The following ZZEF1 variants were observed in gnomAD, a reference collection of about 807,000 sequenced individuals.
The protein encoded by ZZEF1 is zinc finger ZZ-type and EF-hand domain containing 1.
Under a neutral mutation model 342.8 loss-of-function variants are expected in ZZEF1, and 157 were observed. The observed-to-expected ratio is 0.46, with a 90% confidence interval of 0.40 to 0.52. The LOEUF (loss-of-function observed/expected upper bound fraction) is 0.52, where lower values mean the gene tolerates loss of function less well. Ranked by LOEUF, ZZEF1 falls within the 20% of genes least tolerant of loss-of-function variation. The probability of loss-of-function intolerance (pLI) is 0.00; values close to 1 mark genes in which losing one functional copy is unlikely to be tolerated. For missense variants in ZZEF1, 3,480 were observed against 3,725.6 expected (o/e 0.93, Z 1.72); for synonymous variants, 1,505 against 1,429.1 (o/e 1.05, Z -1.20).
Position 4,114,355 on chromosome 17 carries a change from A to G in ZZEF1, c.810T>C (p.Asn270=), listed in dbSNP as rs1205718345. The part of the protein sequence containing the change: ...SNSADIDKMT[N]GETSSYWQSD... The stretch of plus-strand genomic sequence containing the variant: ...ACTGCCAGTAGGATGAGGTTTCTCC[A>G]TTTGTCATCTTGTCAATGTCTGCCG... Residue 270 remains asparagine, a synonymous_variant, in exon 4 of 55, where the codon AAT becomes AAC. Transcript: ENST00000381638. 1.9e-6 allele frequency: 3 copies of G among 1,611,982 alleles called. No individual in the cohort carries two copies. The highest frequency in any genetic ancestry group is 2.2e-5 in the East Asian group (1 of 44,736).
chr17:4,121,523 G>A (rs535690177), intron 2 of ZZEF1, among the ~76,000 whole-genome samples: 10 of 152,236 alleles, frequency 6.6e-5, no homozygotes, highest in African/African-American at 2.2e-4. Context: ...CTACTCGGGA[G>A]GCTGAGGCAC....
intron 6 of ZZEF1, among the ~76,000 whole-genome samples, 164 bp from the exon 7 acceptor site, chr17:4,105,973 G>A (rs773735285): frequency 3.3e-5 from 5 of 151,792 alleles, no homozygotes; most frequent in African/African-American, 4.8e-5. Flanking sequence ...TTTTTGAGAC[G>A]GAGTCTCGCT....
Position 4,008,939 on chromosome 17 carries a change from G to T in ZZEF1, c.8749C>A (p.Gln2917Lys). The change falls in exon 54 of 55, where the codon CAG becomes AAG. Residue 2917 changes from glutamine (Q) to lysine (K), a missense_variant. This residue lies in a region of ZZEF1 where 1,269 missense variants were observed against 1,342.4 expected (regional missense o/e 0.95). Transcript: ENST00000381638. The surrounding 1 kb of genome is among the most constrained non-coding windows in gnomAD (Gnocchi z 4.2). ...GTGGTTAGGGCCAGCAGGTAATCCT[G>T]CAGCACGCCAAGCTCCTGCAGAGAG... ...ENRAQELGVL[Q>K]DYLLALTTDD... The T allele has an allele frequency of 6.5e-7, 1 of 1,542,196 alleles. No homozygotes were observed. The highest frequency in any genetic ancestry group is 1.2e-5 in the South Asian group (1 of 84,094).
chr17:4,047,598 A>G (rs374910702), intron 37 of ZZEF1, among the ~76,000 whole-genome samples: 8 of 151,762 alleles, frequency 5.3e-5, no homozygotes, highest in African/African-American at 1.9e-4. Context: ...AGCCAAGATC[A>G]TACCACTGCA....
intron 25 of ZZEF1, among the ~76,000 whole-genome samples, chr17:4,071,659 G>GT (rs1443086276): frequency 6.6e-6 from 1 of 152,194 alleles, no homozygotes; most frequent in Non-Finnish European, 1.5e-5. Flanking sequence ...GGGGAGACAG[G>GT]TGAGGACAGG....
intron 42 of ZZEF1, 108 bp downstream of exon 42, chr17:4,032,018 A>G: frequency 8.1e-7 from 1 of 1,233,024 alleles, no homozygotes; most frequent in Non-Finnish European, 1.1e-6. Context: ...TTGTTCTTTA[A>G]AAAAATCACA....
intron 19 of ZZEF1, 106 bp downstream of exon 19, chr17:4,077,777 G>A: frequency 8.3e-7 from 1 of 1,199,164 alleles, no homozygotes; most frequent in Non-Finnish European, 1.2e-6. Flanking sequence ...GAATCGTAAT[G>A]AAGAAAGCCA....
Position 4,016,233 on chromosome 17 carries a change from G to C in ZZEF1, c.8145+90C>G. On this transcript the variant is annotated intron_variant, in intron 49 of 54. Coordinates refer to ENST00000381638, the MANE Select transcript of ZZEF1 (RefSeq NM_015113.4). The surrounding 1 kb of genome is among the most constrained non-coding windows in gnomAD (Gnocchi z 4.4). ...TGTCCAGCGGGAGAGAGCCACAGAGGGGCTGAGCATGGAGGGGCTGAGCAC... is the reference window on the plus strand; with the variant it reads ...TGTCCAGCGGGAGAGAGCCACAGAGCGGCTGAGCATGGAGGGGCTGAGCAC... 6.8e-7 allele frequency: 1 copy of C among 1,469,082 alleles called. No homozygotes were observed. Among genetic ancestry groups the C allele is most frequent in the Non-Finnish European group, 9.2e-7 (1 of 1,091,868 alleles). 91.0% of individuals were successfully genotyped at this position (1,469,082 alleles called of 1,614,324 possible).
In ZZEF1 at chr17:4,088,736, C is replaced by A. The variant is rs780774389; in HGVS notation, c.2183G>T (p.Cys728Phe). The A allele has an allele frequency of 4.3e-6, 7 of 1,614,122 alleles. No homozygotes were observed. The East Asian group carries it at 8.9e-5, about 21-fold the overall frequency. The change falls in exon 13 of 55, where the codon TGT (cysteine) becomes TTT (phenylalanine). Residue 728 changes from cysteine (C) to phenylalanine (F), a missense_variant. By Grantham distance (205) the Cys-to-Phe change is radical (BLOSUM62 -2). Around this residue, in one of 5 missense-constraint regions of ZZEF1, gnomAD observed 1,528 missense variants for 1,624.1 expected, o/e 0.94. Transcript: ENST00000381638. Reference sequence around the variant, plus strand: ...GGTCCTGAGGAGCAACGTGGCCCCACAGACACTCTCCTCTGTGTCCTTTCT... The same window carrying A: ...GGTCCTGAGGAGCAACGTGGCCCCAAAGACACTCTCCTCTGTGTCCTTTCT... ...HCRKDTEESV[C>F]GATLLLRTLQ...
At position 4,017,590 on chromosome 17, in the gene ZZEF1, C is replaced by T. The variant is rs2676278; in HGVS notation, c.7782G>A (p.Glu2594=). The T allele has an allele frequency of 0.014, 23,082 of 1,614,184 alleles. 2,822 individuals are homozygous for T. In the African/African-American group the frequency reaches 0.27, roughly 19 times the overall value. The change falls in exon 48 of 55, where the codon GAG becomes GAA. Residue 2594 remains glutamate (E), a synonymous_variant. Transcript: ENST00000381638. The surrounding 1 kb of genome is among the most constrained non-coding windows in gnomAD (Gnocchi z 5.1). ...RSKSAALLHK[E]LNCKSKRAVR... ...CAGCCCTCTTACTCTTGCAGTTCAG[C>T]TCCTTGTGCAGGAGGGCGGCGCTCT...
chr17:4,114,157 A>T (rs910927722), intron 4 of ZZEF1, 142 bp downstream of exon 4: 2 of 564,116 alleles, frequency 3.5e-6, no homozygotes, highest in Non-Finnish European at 5.7e-6. Flanking sequence ...GGAATATATA[A>T]GCCAGGTTAC....
chr17:4,130,862 G>A (rs955160385), intron 1 of ZZEF1, among the ~76,000 whole-genome samples: 1 of 152,106 alleles, frequency 6.6e-6, no homozygotes, highest in African/African-American at 2.4e-5. Context: ...TTTTAAGACT[G>A]AGGAAAAAGG....
In ZZEF1 at chr17:4,014,019, A is replaced by C. The variant is rs2056035021; in HGVS notation, c.8413+71T>G. The C allele has an allele frequency of 1.4e-6, 2 of 1,429,546 alleles. No homozygotes were observed. The highest frequency in any genetic ancestry group is 2.0e-6 in the Non-Finnish European group (2 of 1,019,154). 88.6% of individuals were successfully genotyped at this position (1,429,546 alleles called of 1,614,324 possible). A position where few individuals can be genotyped will look rare whatever the true frequency, so the allele number is the denominator to read the frequency against. On this transcript the variant is annotated intron_variant, in intron 51 of 54. Coordinates refer to ENST00000381638, the MANE Select transcript of ZZEF1 (RefSeq NM_015113.4). The surrounding 1 kb of genome is among the most constrained non-coding windows in gnomAD (Gnocchi z 4.4). ...TTTGATTTTAACCAAGATCAGTGAC[A>C]TCATGGCACCCACAGCCATGGAGTG...
chr17:4,008,452 G>A lies in ZZEF1; in HGVS notation c.8805+431C>T. ...TTTCTAATGGCACATATGGATATAT[G>A]CATAATAGACATATCCAAAAGCTTT... On this transcript the variant is annotated intron_variant, in intron 54 of 54. Transcript: ENST00000381638. The surrounding 1 kb of genome is among the most constrained non-coding windows in gnomAD (Gnocchi z 4.2). 1 of 776,144 alleles carries A rather than the reference G, an allele frequency of 1.3e-6. No homozygotes were observed. The highest frequency in any genetic ancestry group is 5.8e-5 in the South Asian group (1 of 17,372). The allele number at this position is 776,144 out of a possible 1,614,324, so 48.1% of individuals were successfully genotyped here. A position where few individuals can be genotyped will look rare whatever the true frequency, so the allele number is the denominator to read the frequency against.
chr17:4,090,753 G>C lies in ZZEF1; in HGVS notation c.1991C>G (p.Ala664Gly), dbSNP rs914974597. The C allele has an allele frequency of 2.5e-6, 4 of 1,614,132 alleles. No homozygotes were observed. The highest frequency in any genetic ancestry group is 3.4e-6 in the Non-Finnish European group (4 of 1,180,032). The change falls in exon 12 of 55, where the codon GCA becomes GGA. Residue 664 changes from alanine to glycine, a missense_variant. Physicochemically the swap from Ala to Gly is moderately conservative, Grantham distance 60. Transcript: ENST00000381638. Reference sequence around the variant, plus strand: ...TCTGCACTGTTGCAGCTTCACATCTGCTTCATCCCATTCTTCTTCCAGTTC... The same window carrying C: ...TCTGCACTGTTGCAGCTTCACATCTCCTTCATCCCATTCTTCTTCCAGTTC... The part of the protein sequence containing the change: ...WFELEEEWDE[A>G]DVKLQQCRVA...
At chr17:4,130,457 G>C (rs1002113368) in intron 1 of ZZEF1, among the ~76,000 whole-genome samples, 1 of 151,540 alleles carries the variant, frequency 6.6e-6, no homozygotes, top group African/African-American at 2.4e-5. Flanking sequence ...TGTCTCAAAA[G>C]TAAAAATAAA....
Position 4,086,147 on chromosome 17 carries a change from T to C in ZZEF1, c.2512+339A>G, listed in dbSNP as rs550848827. 5.9e-5 allele frequency among the ~76,000 whole-genome samples: 9 copies of C among 152,280 alleles called. No individual in the cohort carries two copies. In the South Asian group the frequency reaches 6.2e-4, roughly 11 times the overall value. On this transcript the variant is annotated intron_variant, in intron 15 of 54. Transcript: ENST00000381638. ...TAGTTGAAGTTAAGGCTCAACAGTA[T>C]GATAGTAATGACTCTCAACATAACA...
chr17:4,022,672 C>T, intron 44 of ZZEF1, 37 bp downstream of exon 44: 6 of 1,612,552 alleles, frequency 3.7e-6, no homozygotes, highest in Non-Finnish European at 5.1e-6. Context: ...CACATCTGCA[C>T]CAGGAAAGAG....
chr17:4,085,626 TCA>T, intron 16 of ZZEF1, 42 bp downstream of exon 16: 2 of 1,609,938 alleles, frequency 1.2e-6, no homozygotes, highest in South Asian at 2.2e-5. Context: ...AATTTCATCC[TCA>T]CAGACTTCAG....
Sources: allele counts gnomAD v4.1 joint callset (sites outside exome capture counted in the v4.1 genomes callset), GRCh38; gene constraint gnomAD v4.1.1; regional missense constraint gnomAD v4.1.1; non-coding constraint Gnocchi (gnomAD v3.1); transcripts MANE v1.5; gene names NCBI Gene and HGNC (gene_info 2026-07-23, HGNC 2026-07-21).